MYO1F: variants seen among roughly 807,000 people sequenced by gnomAD.
MYO1F encodes myosin IF.
MYO1F carries 60 observed loss-of-function variants against 146.6 expected under a neutral mutation model. That is an observed-to-expected ratio of 0.41 (90% confidence interval 0.33 to 0.51). The LOEUF (loss-of-function observed/expected upper bound fraction) is 0.51. Among genes scored for constraint, MYO1F ranks in the 20% least tolerant of loss-of-function variants. MYO1F has a pLI of 0.25. For synonymous variants in MYO1F, 602 were observed against 602.1 expected, an observed-to-expected ratio of 1.00 and a Z score of 0.00; for missense variants, 1,274 against 1,534.3, an observed-to-expected ratio of 0.83 and a Z score of 2.83.
chr19:8,541,420 TG>T lies in MYO1F; in HGVS notation c.1610+485del, dbSNP rs1568346052. Among the ~76,000 whole-genome samples, 24 of 132,186 alleles carry T rather than the reference TG, an allele frequency of 1.8e-4. 1 individual carries two copies. The highest frequency in any genetic ancestry group is 7.0e-4 in the South Asian group (3 of 4,308). 86.7% of individuals were successfully genotyped at this position (132,186 alleles called of 152,430 possible). A position where few individuals can be genotyped will look rare whatever the true frequency, so the allele number is the denominator to read the frequency against. ...TATGTTCTTTGTGTGTGTGTGTGTG[TG>T]TGTGTTTTTTTTTTTTTTTTTTTTT... On this transcript the variant is annotated intron_variant, in intron 15 of 27. Transcript: ENST00000644032.
chr19:8,549,806 A>G (rs59506897), intron 10 of MYO1F: 36,503 of 327,120 alleles, frequency 0.11, 5,142 homozygotes, highest in African/African-American at 0.41. Context: ...CATCTGGCCA[A>G]AAGTTTTTTT....
In MYO1F at chr19:8,553,209, A is replaced by C; in HGVS notation, c.434T>G (p.Leu145Arg). ...EKVQHVKDII[L>R]QSNPLLEAFG... ...GGCCTCGAGCAGCGGGTTGGACTGC[A>C]GGATGATATCTTTGACGTGCTGGGG... The change falls in exon 6 of 28, where the codon CTG becomes CGG. Residue 145 changes from leucine (L) to arginine (R), a missense_variant. Physicochemically the swap from Leu to Arg is moderately radical, Grantham distance 102 (BLOSUM62 -2). Coordinates refer to ENST00000644032, the MANE Select transcript of MYO1F (RefSeq NM_012335.4). 1 of 1,614,208 alleles carries C rather than the reference A, an allele frequency of 6.2e-7. No individual in the cohort carries two copies.
intron 1 of MYO1F, among the ~76,000 whole-genome samples, chr19:8,566,781 T>C (rs2042012712): frequency 6.6e-6 from 1 of 151,676 alleles, no homozygotes; most frequent in Non-Finnish European, 1.5e-5. Context: ...CCCAAAGTGC[T>C]GGGATTACAA....
At chr19:8,544,272 G>C (rs1180896837) in intron 14 of MYO1F, 25 bp downstream of exon 14, 1 of 1,612,272 alleles carries the variant, frequency 6.2e-7, no homozygotes, top group South Asian at 1.1e-5. Context: ...GGAGGCACAG[G>C]GTAGGGTAGG....
At chr19:8,551,950 G>T in intron 7 of MYO1F, 76 bp from the exon 8 acceptor site, 1 of 1,613,682 alleles carries the variant, frequency 6.2e-7, no homozygotes, top group South Asian at 1.1e-5. Context: ...GCCCTGCCAT[G>T]CCCCCCTAGG....
At chr19:8,529,251 G>A (rs1269486371) in intron 21 of MYO1F, among the ~76,000 whole-genome samples, 3 of 152,132 alleles carry the variant, frequency 2.0e-5, no homozygotes, top group Non-Finnish European at 4.4e-5. Context: ...GGTGAGGGTA[G>A]GGTGAGTTAC....
Position 8,530,265 on chromosome 19 carries a change from A to T in MYO1F, c.2259T>A (p.Arg753=), listed in dbSNP as rs777098318. The change falls in exon 21 of 28, where the codon CGT becomes CGA. Residue 753 remains arginine (R), a synonymous_variant. Transcript: ENST00000644032. This position sits in a 1 kb window ranked among gnomAD's most constrained non-coding sequence, Gnocchi z 5.8. ...CCCGCTCCCTCTTGCCCAGGAACTGACGCAGCTCGGGCCGCTCCTCCAGCC... is the reference window on the plus strand; with the variant it reads ...CCCGCTCCCTCTTGCCCAGGAACTGTCGCAGCTCGGGCCGCTCCTCCAGCC... The part of the protein sequence containing the change: ...YLGLEERPEL[R]QFLGKRERVD... 1.8e-5 allele frequency: 29 copies of T among 1,613,952 alleles called. No homozygotes were observed. The highest frequency in any genetic ancestry group is 2.5e-5 in the Non-Finnish European group (29 of 1,180,018).
In MYO1F at chr19:8,553,300, C is replaced by T. The variant is rs777799322; in HGVS notation, c.414+50G>A. ...AGTGCAGATGGGTGGGGCTGCACTA[C>T]CATGCAGGTGAGGGCGACCCAGCTT... On this transcript the variant is annotated intron_variant, in intron 5 of 27. Transcript: ENST00000644032. 16 of 1,606,672 alleles carry T rather than the reference C, an allele frequency of 1.0e-5. No homozygotes were observed. The South Asian group carries it at 1.6e-4, about 17-fold the overall frequency.
At chr19:8,553,923 C>CTCTCTCTCTT (rs1973732842) in intron 4 of MYO1F, among the ~76,000 whole-genome samples, 1 of 149,628 alleles carries the variant, frequency 6.7e-6, no homozygotes, top group Non-Finnish European at 1.5e-5. Context: ...CTCTCTCTCT[C>CTCTCTCTCTT]GCTCTCTTTC....
rs773563083 is a variant in MYO1F, at chr19:8,555,793, T to C, written c.7A>G (p.Ser3Gly). ...CTCTGCCAGTGGAAGCGCTCCTTGC[T>C]GCCCTGGGGGGTGAGAGGGGGGTCG... Reference protein sequence around the residue: MGSKERFHWQSHN... With the variant: MGGKERFHWQSHN... Residue 3 changes from serine to glycine, a missense_variant, in exon 2 of 28, where the codon AGC (serine) becomes GGC (glycine). Ser to Gly is a moderately conservative substitution (Grantham distance 56). Around this residue, in one of 2 missense-constraint regions of MYO1F, gnomAD observed 900 missense variants for 1,155.1 expected, o/e 0.78. Transcript: ENST00000644032. The C allele has an allele frequency of 8.1e-6, 13 of 1,611,122 alleles. No homozygotes were observed. The highest frequency in any genetic ancestry group is 1.3e-5 in the African/African-American group (1 of 74,878).
intron 16 of MYO1F, among the ~76,000 whole-genome samples, chr19:8,539,231 A>G (rs764817909): frequency 4.6e-5 from 7 of 152,072 alleles, no homozygotes; most frequent in Admixed American, 2.6e-4. Flanking sequence ...CCTGGCCAAC[A>G]TGGTGAAACC....
intron 22 of MYO1F, 75 bp downstream of exon 22, chr19:8,527,263 G>A: frequency 3.8e-6 from 6 of 1,594,520 alleles, no homozygotes; most frequent in Non-Finnish European, 3.4e-6. Context: ...CAGGGTAACA[G>A]ACGGGGTCAC....
chr19:8,533,362 T>C (rs1232450592), intron 19 of MYO1F, among the ~76,000 whole-genome samples: 1 of 145,820 alleles, frequency 6.9e-6, no homozygotes, highest in Non-Finnish European at 1.5e-5. Flanking sequence ...TTCTTCTTTT[T>C]TTTTTTTTTT....
At chr19:8,557,408 C>T (rs1568365214) in intron 1 of MYO1F, among the ~76,000 whole-genome samples, 1 of 152,134 alleles carries the variant, frequency 6.6e-6, no homozygotes, top group Non-Finnish European at 1.5e-5. Context: ...GCAATCCTTC[C>T]ACCACACCAC....
rs145008229 is a variant in MYO1F, at chr19:8,542,694, G to A, written c.1525-703C>T. ...CAGCTCACTGCAACCTCCGCCTTCC[G>A]GGATCAAGTGATTCTCCTGTCTCAG... On this transcript the variant is annotated intron_variant, in intron 14 of 27. Coordinates refer to ENST00000644032, the MANE Select transcript of MYO1F (RefSeq NM_012335.4). Among the ~76,000 whole-genome samples, 853 of 151,512 alleles carry A rather than the reference G, an allele frequency of 5.6e-3. 4 individuals are homozygous for A. Among genetic ancestry groups the A allele is most frequent in the Non-Finnish European group, 0.01 (708 of 67,860 alleles).
At chr19:8,567,058 ATTT>A (rs768377216) in intron 1 of MYO1F, among the ~76,000 whole-genome samples, 2 of 127,688 alleles carry the variant, frequency 1.6e-5, no homozygotes, top group Non-Finnish European at 1.7e-5. Flanking sequence ...ACTGGGTCCA[ATTT>A]TTTTTTTTTT....
In MYO1F at chr19:8,524,118, CA is replaced by C. The variant is rs746455069; in HGVS notation, c.2855-1290del. Among the ~76,000 whole-genome samples, 241 of 46,000 alleles carry C rather than the reference CA, an allele frequency of 5.2e-3. 5 individuals are homozygous for C. Among genetic ancestry groups the C allele is most frequent in the Non-Finnish European group, 5.7e-3 (161 of 28,136 alleles). 30.2% of individuals were successfully genotyped at this position (46,000 alleles called of 152,430 possible). A position where few individuals can be genotyped will look rare whatever the true frequency, so the allele number is the denominator to read the frequency against. On this transcript the variant is annotated intron_variant, in intron 25 of 27. Coordinates refer to ENST00000644032, the MANE Select transcript of MYO1F (RefSeq NM_012335.4). ...TGGGCAACAGAGCAAGACACCGTCT[CA>C]AAAAAAAAAAAAAAAAAAAGGCCGG... is the stretch of plus-strand genomic sequence containing the variant.
At chr19:8,564,380 T>G (rs1293232925) in intron 1 of MYO1F, among the ~76,000 whole-genome samples, 3 of 152,060 alleles carry the variant, frequency 2.0e-5, no homozygotes, top group African/African-American at 7.2e-5. Flanking sequence ...AAACCCTGTC[T>G]TGAAAACAAC....
intron 1 of MYO1F, among the ~76,000 whole-genome samples, chr19:8,568,422 C>CAAAAAAAAA (rs55833513): frequency 0.013 from 879 of 66,342 alleles, 80 homozygotes; most frequent in African/African-American, 0.055. Context: ...GACTCCGTCT[C>CAAAAAAAAA]AAAAAAAAAA....
Sources: gnomAD v4.1 joint callset for allele counts (sites outside exome capture counted in the v4.1 genomes callset) on GRCh38, gnomAD v4.1.1 for gene constraint, gnomAD v4.1.1 regional missense constraint, Gnocchi (gnomAD v3.1) non-coding constraint, MANE v1.5 for transcripts, NCBI Gene and HGNC (gene_info 2026-07-23, HGNC 2026-07-21) for gene names.